Variants in FAM78B observed in about 807,000 individuals in gnomAD.
The protein encoded by FAM78B is family with sequence similarity 78 member B, also known as protein FAM78B.
FAM78B carries 10 observed loss-of-function variants against 20.0 expected under a neutral mutation model. The observed-to-expected ratio is 0.50, with a 90% CI of 0.31 to 0.85. FAM78B has a LOEUF of 0.85. FAM78B is among the 40% of genes least tolerant of loss of function. The pLI is 0.05. For synonymous variants in FAM78B, 135 were observed against 132.8 expected, an observed-to-expected ratio of 1.02 and a Z score of -0.12; for missense variants, 283 against 345.0, an observed-to-expected ratio of 0.82 and a Z score of 1.42.
At chr1:166,148,332 G>C (rs544921601) in intron 1 of FAM78B, among the ~76,000 whole-genome samples, 1 of 152,302 alleles carries the variant, frequency 6.6e-6, no homozygotes, top group South Asian at 2.1e-4. Flanking sequence ...CTCAGAATCT[G>C]AGGTTCCTTT....
At chr1:166,097,775 C>A (rs1270835573) in intron 1 of FAM78B, among the ~76,000 whole-genome samples, 2 of 151,862 alleles carry the variant, frequency 1.3e-5, no homozygotes, top group Non-Finnish European at 2.9e-5. Flanking sequence ...CCCGCCCCCA[C>A]CTGATGGTCC....
At chr1:166,145,196 A>G (rs16856624) in intron 1 of FAM78B, among the ~76,000 whole-genome samples, 4,053 of 152,266 alleles carry the variant, frequency 0.027, 229 homozygotes, top group Admixed American at 0.13. Flanking sequence ...TCCACAAACT[A>G]AGGAGGCCAA....
rs565263687 is a variant in FAM78B at position 166,074,117 on chromosome 1, A to G, written c.264-3354T>C. Among the ~76,000 whole-genome samples the G allele has an allele frequency of 1.3e-4, 20 of 152,320 alleles. No homozygotes were observed. In the South Asian group the frequency reaches 3.7e-3, roughly 28 times the overall value. On this transcript the variant is annotated intron_variant, in intron 1 of 1. Transcript: ENST00000354422. ...ATGCAAATCTGATCATGCTCTTTCT[A>G]TACATAAAATCCTTCCAAGGCTTTT...
chr1:166,065,662 T>C (rs1651767959), downstream of FAM78B, among the ~76,000 whole-genome samples: 2 of 152,272 alleles, frequency 1.3e-5, no homozygotes, highest in Admixed American at 1.3e-4. Flanking sequence ...CCAGATGCCT[T>C]CCTGTCATCT....
At chr1:166,108,133 G>A (rs997547146) in intron 1 of FAM78B, among the ~76,000 whole-genome samples, 5 of 152,120 alleles carry the variant, frequency 3.3e-5, no homozygotes, top group Non-Finnish European at 7.4e-5. Flanking sequence ...AGTACTGGAA[G>A]TCCTAGTCAG....
chr1:166,111,042 C>G (rs1654032590), intron 1 of FAM78B, among the ~76,000 whole-genome samples: 1 of 152,100 alleles, frequency 6.6e-6, no homozygotes, highest in Non-Finnish European at 1.5e-5. Context: ...TTGGATAACC[C>G]AGCTTGGAGC....
chr1:166,099,861 A>G (rs573665484), intron 1 of FAM78B, among the ~76,000 whole-genome samples: 1 of 152,358 alleles, frequency 6.6e-6, no homozygotes, highest in Admixed American at 6.5e-5. Context: ...AGCACTAGAC[A>G]GGTCATTAAG....
rs543622399 is a variant in FAM78B at position 166,166,108 on chromosome 1, G to C, written c.141C>G (p.Pro47=). 2.5e-6 allele frequency: 4 copies of C among 1,612,882 alleles called. No homozygotes were observed. In the African/African-American group the frequency reaches 5.3e-5, roughly 22 times the overall value. The change falls in exon 1 of 2, where the codon CCC becomes CCG. Residue 47 remains proline (P), a synonymous_variant. Transcript: ENST00000354422. ...TSPIVLRYKT[P]YFKASARVVM... ...CCACGCGGGCGGAGGCTTTGAAGTA[G>C]GGGGTCTTGTAGCGCAGGACGATGG...
intron 1 of FAM78B, among the ~76,000 whole-genome samples, chr1:166,143,833 C>G (rs1655364253): frequency 6.6e-6 from 1 of 152,160 alleles, no homozygotes; most frequent in South Asian, 2.1e-4. Context: ...ACCACGTGAG[C>G]CCCTGTGCCA....
intron 1 of FAM78B, among the ~76,000 whole-genome samples, chr1:166,162,251 T>C (rs1035177987): frequency 6.6e-6 from 1 of 152,122 alleles, no homozygotes; most frequent in Admixed American, 6.5e-5. Context: ...GGTGAGCGGG[T>C]ACAGCCAAAT....
downstream of FAM78B, among the ~76,000 whole-genome samples, chr1:166,065,981 C>T (rs1346323540): frequency 6.6e-6 from 1 of 152,190 alleles, no homozygotes; most frequent in Admixed American, 6.5e-5. Flanking sequence ...TGGGAGCTGG[C>T]TCTTGCAATG....
intron 1 of FAM78B, among the ~76,000 whole-genome samples, chr1:166,165,541 G>T (rs996757935): frequency 1.3e-5 from 2 of 152,062 alleles, no homozygotes; most frequent in African/African-American, 4.8e-5. Context: ...TTCCAAGCCC[G>T]CTCCGGTTTC....
At chr1:166,156,958 G>A (rs1335726273) in intron 1 of FAM78B, among the ~76,000 whole-genome samples, 1 of 147,826 alleles carries the variant, frequency 6.8e-6, no homozygotes, top group Non-Finnish European at 1.5e-5. Context: ...CAGGGTCCTG[G>A]AGGCTTCCCA....
intron 1 of FAM78B, among the ~76,000 whole-genome samples, chr1:166,153,840 T>C (rs897231745): frequency 6.6e-6 from 1 of 152,154 alleles, no homozygotes; most frequent in Admixed American, 6.5e-5. Context: ...CCTCCCTCTA[T>C]ACCCCCCTTA....
chr1:166,100,026 A>G (rs1251586632), intron 1 of FAM78B, among the ~76,000 whole-genome samples: 1 of 152,268 alleles, frequency 6.6e-6, no homozygotes, highest in East Asian at 1.9e-4. Context: ...ACGAGCCTCA[A>G]TAAATTTAAG....
chr1:166,113,730 G>A (rs895742326), intron 1 of FAM78B, among the ~76,000 whole-genome samples: 2 of 152,330 alleles, frequency 1.3e-5, no homozygotes, highest in East Asian at 3.9e-4. Flanking sequence ...GCCTTAAGCA[G>A]CCCTGGGCAG....
intron 1 of FAM78B, among the ~76,000 whole-genome samples, chr1:166,091,401 G>T (rs1363508481): frequency 6.6e-6 from 1 of 152,160 alleles, no homozygotes; most frequent in East Asian, 1.9e-4. Context: ...TGGTGAATAA[G>T]TCTCACGAGA....
chr1:166,108,104 C>T (rs1653858196), intron 1 of FAM78B, among the ~76,000 whole-genome samples: 1 of 152,130 alleles, frequency 6.6e-6, no homozygotes, highest in African/African-American at 2.4e-5. Context: ...TGCCCACCCT[C>T]ACCACTTCTC....
At chr1:166,110,107 G>C (rs1404652802) in intron 1 of FAM78B, among the ~76,000 whole-genome samples, 2 of 150,566 alleles carry the variant, frequency 1.3e-5, no homozygotes, top group African/African-American at 4.9e-5. Flanking sequence ...AATGGACTTT[G>C]GGGACTTGGG....
Sources: gnomAD v4.1 joint callset for allele counts (sites outside exome capture counted in the v4.1 genomes callset) on GRCh38, gnomAD v4.1.1 for gene constraint, MANE v1.5 for transcripts, NCBI Gene and HGNC (gene_info 2026-07-23, HGNC 2026-07-21) for gene names.